Variants in SLC44A4 observed in about 807,000 individuals in gnomAD.
The protein encoded by SLC44A4 is solute carrier family 44 member 4.
In SLC44A4, 74 loss-of-function variants were observed where a neutral mutation model predicts 97.0. That is an observed-to-expected ratio of 0.76 (90% CI 0.63 to 0.93). The LOEUF (loss-of-function observed/expected upper bound fraction) is 0.93, where lower values mean the gene tolerates loss of function less well. Among genes scored for constraint, SLC44A4 ranks in the 40% least tolerant of loss-of-function variants. The pLI, the probability that SLC44A4 is intolerant of heterozygous loss-of-function variation, is 0.00. For missense variants in SLC44A4, 799 were observed against 902.9 expected, an observed-to-expected ratio of 0.88 and a Z score of 1.48; for synonymous variants, 325 against 363.8, an observed-to-expected ratio of 0.89 and a Z score of 1.21.
At chr6:31,873,113 G>T (rs1763263137) in intron 7 of SLC44A4, among the ~76,000 whole-genome samples, 1 of 152,092 alleles carries the variant, frequency 6.6e-6, no homozygotes. Flanking sequence ...CTGACCTTGT[G>T]ATCCGCCCGC....
At position 31,875,928 on chromosome 6, in the gene SLC44A4, A is replaced by G. The variant is rs780661597; in HGVS notation, c.166T>C (p.Trp56Arg). ...ACTTGCCGGGGGTCTCCATACAACCAGGCTGCAGACAGAGGCACAGATGAG... is the reference window on the plus strand; with the variant it reads ...ACTTGCCGGGGGTCTCCATACAACCGGGCTGCAGACAGAGGCACAGATGAG... ...LGYIVVGIVA[W>R]LYGDPRQVLY... The change falls in exon 4 of 21, where the codon TGG becomes CGG. Residue 56 changes from tryptophan to arginine, a missense_variant and splice_region_variant. Transcript: ENST00000229729. 2 of 1,613,954 alleles carry G rather than the reference A, an allele frequency of 1.2e-6. No homozygotes were observed. Among genetic ancestry groups the G allele is most frequent in the Non-Finnish European group, 1.7e-6 (2 of 1,179,952 alleles).
chr6:31,871,518 C>A lies in SLC44A4; in HGVS notation c.573G>T (p.Ala191=), dbSNP rs61729553. 5 of 1,613,762 alleles carry A rather than the reference C, an allele frequency of 3.1e-6. No homozygotes were observed. Among genetic ancestry groups the A allele is most frequent in the Middle Eastern group, 1.7e-4 (1 of 6,060 alleles). The change falls in exon 8 of 21, where the codon GCG becomes GCT. Residue 191 remains alanine, a synonymous_variant. Transcript: ENST00000229729. The part of the protein sequence containing the change: ...CFPWTNVTPP[A]LPGITNDTTI... Reference sequence around the variant, plus strand: ...TGGTGTCATTGGTGATCCCTGGGAGCGCCGGTGGAGTAACGTTGGTCCATG... The same window carrying A: ...TGGTGTCATTGGTGATCCCTGGGAGAGCCGGTGGAGTAACGTTGGTCCATG...
Position 31,876,975 on chromosome 6 carries a change from T to G in SLC44A4, c.89+59A>C. 2.7e-6 allele frequency: 4 copies of G among 1,493,508 alleles called. No homozygotes were observed. Among genetic ancestry groups the G allele is most frequent in the Non-Finnish European group, 3.6e-6 (4 of 1,099,626 alleles). The allele number at this position is 1,493,508 out of a possible 1,614,324, so 92.5% of individuals were successfully genotyped here. A position where few individuals can be genotyped will look rare whatever the true frequency, so the allele number is the denominator to read the frequency against. On this transcript the variant is annotated intron_variant, in intron 2 of 20. Coordinates refer to ENST00000229729, the MANE Select transcript of SLC44A4 (RefSeq NM_025257.3). The surrounding 1 kb of genome is among the most constrained non-coding windows in gnomAD (Gnocchi z 4.8). The stretch of plus-strand genomic sequence containing the variant: ...ATTTTAGCAAATACAAAGCAAATAC[T>G]GGATTCCACACTGCACCCACCACCC...
chr6:31,874,381 C>G lies in SLC44A4; in HGVS notation c.529+79G>C, dbSNP rs895502926. 3.2e-5 allele frequency: 48 copies of G among 1,519,774 alleles called. No individual in the cohort carries two copies. In the Admixed American group the frequency reaches 8.3e-4, roughly 26 times the overall value. The allele number at this position is 1,519,774 out of a possible 1,614,324, so 94.1% of individuals were successfully genotyped here. ...CCAACAAGCTATGTGACTTCACTCT[C>G]TCTGGGCCTGATTTCTTCATTCAAG... On this transcript the variant is annotated intron_variant, in intron 7 of 20. Transcript: ENST00000229729. The surrounding 1 kb of genome is among the most constrained non-coding windows in gnomAD (Gnocchi z 4.8).
Position 31,874,795 on chromosome 6 carries a change from A to G in SLC44A4, c.394T>C (p.Phe132Leu), listed in dbSNP as rs1763354077. The G allele has an allele frequency of 6.2e-7, 1 of 1,613,732 alleles. No homozygotes were observed. The highest frequency in any genetic ancestry group is 1.1e-5 in the South Asian group (1 of 91,050). The change falls in exon 6 of 21, where the codon TTC becomes CTC. Residue 132 changes from phenylalanine (F) to leucine (L), a missense_variant. Transcript: ENST00000229729. This position sits in a 1 kb window ranked among gnomAD's most constrained non-coding sequence, Gnocchi z 4.8. The part of the protein sequence containing the change: ...EDPWTVGKNE[F>L]SQTVGEVFYT... ...AAGACTTCCCCAACAGTCTGTGAGAACTCGTTTTTTCCCACAGTCCATGGG... is the reference window on the plus strand; with the variant it reads ...AAGACTTCCCCAACAGTCTGTGAGAGCTCGTTTTTTCCCACAGTCCATGGG...
Position 31,870,943 on chromosome 6 carries a change from A to G in SLC44A4, c.806T>C (p.Leu269Pro). 1.2e-6 allele frequency: 2 copies of G among 1,613,016 alleles called. No homozygotes were observed. Among genetic ancestry groups the G allele is most frequent in the East Asian group, 4.5e-5 (2 of 44,878 alleles). The change falls in exon 10 of 21, where the codon CTG becomes CCG. Residue 269 changes from leucine to proline, a missense_variant. Leu to Pro is a moderately conservative substitution (Grantham distance 98). Transcript: ENST00000229729. ...LVLILGVLGV[L>P]AYGIYYCWEE... ...CCAGCAGTAGTAGATGCCGTATGCC[A>G]GCACGCCCAGCACTCCCAGGATCAG...
intron 11 of SLC44A4, 35 bp from the exon 12 acceptor site, chr6:31,869,672 C>A: frequency 6.5e-7 from 1 of 1,535,398 alleles, no homozygotes; most frequent in Non-Finnish European, 8.9e-7. Context: ...CGGCACCGCC[C>A]CAGCTGTCCA....
At chr6:31,870,789 T>G in intron 10 of SLC44A4, 23 bp downstream of exon 10, 1 of 1,612,628 alleles carries the variant, frequency 6.2e-7, no homozygotes, top group South Asian at 1.1e-5. Flanking sequence ...AGCTGGTGGC[T>G]TGGGGGTGGG....
At chr6:31,869,355 G>A in intron 12 of SLC44A4, 98 bp from the exon 13 acceptor site, 1 of 1,042,788 alleles carries the variant, frequency 9.6e-7, no homozygotes, top group Non-Finnish European at 1.4e-6. Context: ...ATCGTTTGCT[G>A]CACAGAGAGG....
rs200097123 is a variant in SLC44A4, at chr6:31,869,685, T to C, written c.1038-48A>G. ...ACCGGCACCGCCCCAGCTGTCCATC[T>C]TCTCAAGGGGCTGACCCCGGCCGGG... On this transcript the variant is annotated intron_variant, in intron 11 of 20. Transcript: ENST00000229729. The C allele has an allele frequency of 4.9e-3, 7,319 of 1,496,648 alleles. 235 individuals carry two copies. The South Asian group carries it at 0.06, about 12-fold the overall frequency. The allele number at this position is 1,496,648 out of a possible 1,614,324, so 92.7% of individuals were successfully genotyped here. A position where few individuals can be genotyped will look rare whatever the true frequency, so the allele number is the denominator to read the frequency against.
At position 31,877,548 on chromosome 6, in the gene SLC44A4, C is replaced by T; in HGVS notation, c.41-466G>A. On this transcript the variant is annotated intron_variant, in intron 1 of 20. Coordinates refer to ENST00000229729, the MANE Select transcript of SLC44A4 (RefSeq NM_025257.3). The surrounding 1 kb of genome is among the most constrained non-coding windows in gnomAD (Gnocchi z 6.5). ...TCATGGCCTCTTCCCCTATCTGCCC[C>T]AGGCCCTACCTTACCCTCTGGTTCA... 2.0e-6 allele frequency: 2 copies of T among 980,982 alleles called. No homozygotes were observed. Among genetic ancestry groups the T allele is most frequent in the Non-Finnish European group, 2.4e-6 (2 of 822,456 alleles). The allele number at this position is 980,982 out of a possible 1,614,324, so 60.8% of individuals were successfully genotyped here. A position where few individuals can be genotyped will look rare whatever the true frequency, so the allele number is the denominator to read the frequency against.
intron 13 of SLC44A4, among the ~76,000 whole-genome samples, chr6:31,866,744 A>AT (rs1456484210): frequency 1.3e-5 from 2 of 152,080 alleles, no homozygotes; most frequent in Non-Finnish European, 2.9e-5. Context: ...AATACAAAAA[A>AT]TTAGCCGGGC....
In SLC44A4 at chr6:31,878,884, C is replaced by T. The variant is rs1763611851; in HGVS notation, c.40+57G>A. On this transcript the variant is annotated intron_variant, in intron 1 of 20. Coordinates refer to ENST00000229729, the MANE Select transcript of SLC44A4 (RefSeq NM_025257.3). This position sits in a 1 kb window ranked among gnomAD's most constrained non-coding sequence, Gnocchi z 4.0. Reference sequence around the variant, plus strand: ...CTGGAGCCAGCCCCAGACACCATTCCCAAAGTACCCGTCCTCCCCTCCCTC... The same window carrying T: ...CTGGAGCCAGCCCCAGACACCATTCTCAAAGTACCCGTCCTCCCCTCCCTC... 1 of 1,588,894 alleles carries T rather than the reference C, an allele frequency of 6.3e-7. No individual in the cohort carries two copies. Among genetic ancestry groups the T allele is most frequent in the Non-Finnish European group, 8.6e-7 (1 of 1,157,246 alleles).
rs2151564290 is a variant in SLC44A4, at chr6:31,871,501, T to C, written c.590A>G (p.Asn197Ser). ...VTPPALPGIT[N>S]DTTIQQGISG... ...GATCCCCTGCTGTATGGTGGTGTCA[T>C]TGGTGATCCCTGGGAGCGCCGGTGG... The change falls in exon 8 of 21, where the codon AAT (asparagine) becomes AGT (serine). Residue 197 changes from asparagine to serine, a missense_variant. This residue lies in a region of SLC44A4 where 409 missense variants were observed against 434.1 expected (regional missense o/e 0.94). Transcript: ENST00000229729. The C allele has an allele frequency of 6.2e-7, 1 of 1,613,862 alleles. No homozygotes were observed. Among genetic ancestry groups the C allele is most frequent in the Non-Finnish European group, 8.5e-7 (1 of 1,179,888 alleles).
In SLC44A4 at chr6:31,874,794, A is replaced by G. The variant is rs761236947; in HGVS notation, c.395T>C (p.Phe132Ser). 6.2e-7 allele frequency: 1 copy of G among 1,613,936 alleles called. No individual in the cohort carries two copies. Among genetic ancestry groups the G allele is most frequent in the South Asian group, 1.1e-5 (1 of 91,058 alleles). Residue 132 changes from phenylalanine (F) to serine (S), a missense_variant, in exon 6 of 21, where the codon TTC becomes TCC. Physicochemically the swap from Phe to Ser is radical, Grantham distance 155. This residue lies in a region of SLC44A4 where 409 missense variants were observed against 434.1 expected (regional missense o/e 0.94). Coordinates refer to ENST00000229729, the MANE Select transcript of SLC44A4 (RefSeq NM_025257.3). This position sits in a 1 kb window ranked among gnomAD's most constrained non-coding sequence, Gnocchi z 4.8. ...GAAGACTTCCCCAACAGTCTGTGAG[A>G]ACTCGTTTTTTCCCACAGTCCATGG... ...EDPWTVGKNE[F>S]SQTVGEVFYT...
At chr6:31,870,726 C>T (rs571507807) in intron 10 of SLC44A4, 24 bp from the exon 11 acceptor site, 1 of 1,611,504 alleles carries the variant, frequency 6.2e-7, no homozygotes, top group South Asian at 1.1e-5. Context: ...GGCAGACAGA[C>T]CTAGGTCAGG....
rs1410927086 is a variant in SLC44A4, at chr6:31,863,694, T to A, written c.2066A>T (p.Lys689Met). ...GSLDRPYYMS[K>M]SLLKILGKKN... ...CTTGCCCAGAATCTTTAGAAGGCTC[T>A]TGGACATGTAGTAGGGCCGGTCCAG... Residue 689 changes from lysine to methionine, a missense_variant, in exon 21 of 21, where the codon AAG (lysine) becomes ATG (methionine). Coordinates refer to ENST00000229729, the MANE Select transcript of SLC44A4 (RefSeq NM_025257.3). 1 of 1,612,540 alleles carries A rather than the reference T, an allele frequency of 6.2e-7. No individual in the cohort carries two copies. The highest frequency in any genetic ancestry group is 8.5e-7 in the Non-Finnish European group (1 of 1,179,898).
Position 31,865,756 on chromosome 6 carries a change from C to T in SLC44A4, c.1516G>A (p.Ala506Thr), listed in dbSNP as rs1168920631. The change falls in exon 15 of 21, where the codon GCC becomes ACC. Residue 506 changes from alanine (A) to threonine (T), a missense_variant. This residue lies in a region of SLC44A4 where 379 missense variants were observed against 438.3 expected (regional missense o/e 0.86). Transcript: ENST00000229729. This position sits in a 1 kb window ranked among gnomAD's most constrained non-coding sequence, Gnocchi z 5.2. ...ATCTGCACAAGGGTCAGGATGAGGG[C>T]TCCAAATGCCAATGACCCAGTGTGG... ...RYHTGSLAFG[A>T]LILTLVQIAR... 6.2e-7 allele frequency: 1 copy of T among 1,613,790 alleles called. No individual in the cohort carries two copies. The highest frequency in any genetic ancestry group is 8.5e-7 in the Non-Finnish European group (1 of 1,179,944).
intron 20 of SLC44A4, 134 bp from the exon 21 acceptor site, chr6:31,863,882 G>C: frequency 8.5e-7 from 1 of 1,177,028 alleles, no homozygotes; most frequent in East Asian, 2.5e-5. Flanking sequence ...TGTAATCTCA[G>C]TTTCCTCCTG....
Sources: allele counts gnomAD v4.1 joint callset (sites outside exome capture counted in the v4.1 genomes callset), GRCh38; gene constraint gnomAD v4.1.1; regional missense constraint gnomAD v4.1.1; non-coding constraint Gnocchi (gnomAD v3.1); transcripts MANE v1.5; gene names NCBI Gene and HGNC (gene_info 2026-07-23, HGNC 2026-07-21).